Variants in URI1 observed in about 807,000 individuals in gnomAD.
The protein encoded by URI1 is URI1 prefoldin like chaperone.
A neutral mutation model predicts 60.2 loss-of-function variants in URI1; 39 were observed. That is an observed-to-expected ratio of 0.65 (90% confidence interval 0.50 to 0.85). The LOEUF is 0.85. Among genes scored for constraint, URI1 ranks in the 40% least tolerant of loss-of-function variants. The pLI is 0.00. For missense variants in URI1, 691 were observed against 665.9 expected (o/e 1.04, Z -0.42); for synonymous variants, 251 against 236.8 (o/e 1.06, Z -0.55).
At position 29,974,735 on chromosome 19, in the gene URI1, G is replaced by A. The variant is rs1325465618; in HGVS notation, c.152+3508G>A. Among the ~76,000 whole-genome samples the A allele has an allele frequency of 4.6e-5, 7 of 152,170 alleles. No individual in the cohort carries two copies. The East Asian group carries it at 1.2e-3, about 25-fold the overall frequency. ...AGGCAGTTATTCAGCCCTTGCCCCT[G>A]CCCTTTCTCACCGCTCTTGTATTCC... On this transcript the variant is annotated intron_variant, in intron 2 of 10. Coordinates refer to ENST00000392271, the MANE Select transcript of URI1 (RefSeq NM_003796.3).
intron 1 of URI1, among the ~76,000 whole-genome samples, chr19:29,936,759 T>C (rs184215382): frequency 2.6e-5 from 4 of 152,270 alleles, no homozygotes; most frequent in African/African-American, 9.6e-5. Context: ...CATTTTTCCT[T>C]TTCTTTTTTT....
chr19:29,982,862 AGT>A (rs2055615764), intron 2 of URI1, among the ~76,000 whole-genome samples: 1 of 152,212 alleles, frequency 6.6e-6, no homozygotes, highest in Admixed American at 6.5e-5. Flanking sequence ...CATGCTGGGC[AGT>A]GTGTTAGACC....
At chr19:29,995,566 G>A (rs1599713177) in intron 4 of URI1, among the ~76,000 whole-genome samples, 1 of 146,050 alleles carries the variant, frequency 6.8e-6, no homozygotes, top group East Asian at 2.0e-4. Flanking sequence ...AAAAAAAATA[G>A]CTGCCAGGTA....
chr19:29,953,168 G>A (rs2055200725), intron 1 of URI1, among the ~76,000 whole-genome samples: 2 of 152,066 alleles, frequency 1.3e-5, no homozygotes, highest in South Asian at 2.1e-4. Context: ...GTGTCTTTCT[G>A]CGCTAACCAA....
intron 1 of URI1, among the ~76,000 whole-genome samples, chr19:29,957,774 AATTT>A (rs1444062167): frequency 1.3e-5 from 2 of 152,186 alleles, no homozygotes; most frequent in East Asian, 3.9e-4. Flanking sequence ...ATGGTATATC[AATTT>A]ATTTACTTCT....
Position 29,942,571 on chromosome 19 carries a change from G to A in URI1, c.24G>A (p.Thr8=). 1 of 1,422,864 alleles carries A rather than the reference G, an allele frequency of 7.0e-7. No homozygotes were observed. Among genetic ancestry groups the A allele is most frequent in the Non-Finnish European group, 9.2e-7 (1 of 1,089,340 alleles). The allele number at this position is 1,422,864 out of a possible 1,614,324, so 88.1% of individuals were successfully genotyped here. MEAPTVE[T]PPDPSPPSAP... is the part of the protein sequence containing the mutation. ...TCATGGAGGCGCCCACCGTGGAGACGCCCCCCGACCCCTCGCCCCCTTCGG... is the reference window on the plus strand; with the variant it reads ...TCATGGAGGCGCCCACCGTGGAGACACCCCCCGACCCCTCGCCCCCTTCGG... The change falls in exon 1 of 11, where the codon ACG becomes ACA. Residue 8 remains threonine (T), a synonymous_variant. Coordinates refer to ENST00000392271, the MANE Select transcript of URI1 (RefSeq NM_003796.3).
intron 1 of URI1, among the ~76,000 whole-genome samples, chr19:29,932,315 G>GATT (rs1198047105): frequency 6.6e-6 from 1 of 151,002 alleles, no homozygotes; most frequent in Non-Finnish European, 1.5e-5. Flanking sequence ...TGATGATGAT[G>GATT]ATGATTATTA....
chr19:30,005,367 G>A lies in URI1; in HGVS notation c.374G>A (p.Arg125Lys), dbSNP rs200596493. Reference sequence around the variant, plus strand: ...GTTGTGTTCATTGTTTCAGATGTAAGAAAAACAATAGATGACTTAAAAAAA... The same window carrying A: ...GTTGTGTTCATTGTTTCAGATGTAAAAAAAACAATAGATGACTTAAAAAAA... ...GLVEHRKEHVRKTIDDLKKVM... is the reference protein window; with the variant it reads ...GLVEHRKEHVKKTIDDLKKVM... The change falls in exon 5 of 11, where the codon AGA becomes AAA. Residue 125 changes from arginine to lysine, a missense_variant. Transcript: ENST00000392271. 2.0e-5 allele frequency: 32 copies of A among 1,575,848 alleles called. 1 individual carries two copies. Among genetic ancestry groups the A allele is most frequent in the Admixed American group, 1.3e-4 (7 of 55,318 alleles).
At chr19:29,940,794 C>T (rs335029), upstream of URI1, among the ~76,000 whole-genome samples, 390 of 152,140 alleles carry the variant, frequency 2.6e-3, 2 homozygotes, top group African/African-American at 8.9e-3. Flanking sequence ...ACTATGTGGT[C>T]GCGGGTTAAG....
At chr19:29,962,000 G>A (rs2055332036) in intron 1 of URI1, among the ~76,000 whole-genome samples, 1 of 152,062 alleles carries the variant, frequency 6.6e-6, no homozygotes, top group Admixed American at 6.6e-5. Context: ...CGATTCTTCT[G>A]GGTATGCTCA....
At chr19:29,980,720 G>A (rs1165719671) in intron 2 of URI1, among the ~76,000 whole-genome samples, 1 of 147,792 alleles carries the variant, frequency 6.8e-6, no homozygotes, top group African/African-American at 2.5e-5. Flanking sequence ...GTCAGGGTTC[G>A]AGACCAGCCT....
upstream of URI1, among the ~76,000 whole-genome samples, chr19:29,940,686 A>ACAT (rs2055014272): frequency 6.6e-6 from 1 of 152,104 alleles, no homozygotes; most frequent in Admixed American, 6.6e-5. Flanking sequence ...TGTTTGGACG[A>ACAT]CATCGCACAC....
intron 2 of URI1, among the ~76,000 whole-genome samples, chr19:29,978,190 C>T (rs746805801): frequency 1.2e-4 from 18 of 152,110 alleles, no homozygotes; most frequent in African/African-American, 3.9e-4. Flanking sequence ...GCTAGTTTAA[C>T]GCACTTCTGA....
In URI1 at chr19:29,986,392, A is replaced by G. The variant is rs1156703466; in HGVS notation, c.342A>G (p.Val114=). 6.2e-7 allele frequency: 1 copy of G among 1,609,808 alleles called. No homozygotes were observed. Among genetic ancestry groups the G allele is most frequent in the Non-Finnish European group, 8.5e-7 (1 of 1,179,278 alleles). Residue 114 remains valine, a synonymous_variant, in exon 4 of 11, where the codon GTA becomes GTG. Transcript: ENST00000392271. ...WFAKCSAKQA[V]GLVEHRKEHV... Reference sequence around the variant, plus strand: ...CAAAGTGCTCAGCAAAGCAGGCTGTAGGTTTAGTTGAGCACCGGAAAGAAC... The same window carrying G: ...CAAAGTGCTCAGCAAAGCAGGCTGTGGGTTTAGTTGAGCACCGGAAAGAAC...
At chr19:29,967,781 G>A (rs1249822810) in intron 1 of URI1, among the ~76,000 whole-genome samples, 1 of 152,134 alleles carries the variant, frequency 6.6e-6, no homozygotes, top group Non-Finnish European at 1.5e-5. Context: ...AGAAAGACTT[G>A]GTTTTAAAAC....
At chr19:29,984,988 C>T (rs533243360) in intron 2 of URI1, among the ~76,000 whole-genome samples, 7 of 151,480 alleles carry the variant, frequency 4.6e-5, no homozygotes, top group Non-Finnish European at 7.4e-5. Flanking sequence ...TGCATGGTGG[C>T]GCACACTTGT....
chr19:29,994,660 G>A (rs962260700), intron 4 of URI1, among the ~76,000 whole-genome samples: 4 of 151,920 alleles, frequency 2.6e-5, no homozygotes, highest in African/African-American at 9.7e-5. Flanking sequence ...TATTCTGTTC[G>A]CTATTGTGAA....
chr19:29,958,545 A>G (rs749629591), intron 1 of URI1, among the ~76,000 whole-genome samples: 1 of 152,200 alleles, frequency 6.6e-6, no homozygotes, highest in Non-Finnish European at 1.5e-5. Flanking sequence ...TTTGTAGAGG[A>G]TGTGTTTACC....
intron 1 of URI1, among the ~76,000 whole-genome samples, chr19:29,955,907 C>CTTTTGT: frequency 6.6e-6 from 1 of 151,642 alleles, no homozygotes; most frequent in Non-Finnish European, 1.5e-5. Context: ...TCATTTCTTA[C>CTTTTGT]AAAAGAGGCA....
Sources: allele counts gnomAD v4.1 joint callset (sites outside exome capture counted in the v4.1 genomes callset), GRCh38; gene constraint gnomAD v4.1.1; transcripts MANE v1.5; gene names NCBI Gene and HGNC (gene_info 2026-07-23, HGNC 2026-07-21).